EVI5: variants seen among roughly 807,000 people sequenced by gnomAD.
EVI5 encodes ecotropic viral integration site 5 protein homolog.
Under a neutral mutation model 112.0 loss-of-function variants are expected in EVI5, and 73 were observed. The observed-to-expected ratio is 0.65, with a 90% CI of 0.54 to 0.79. EVI5 has a LOEUF of 0.79. Ranked by LOEUF, EVI5 falls within the 30% of genes least tolerant of loss-of-function variation. The probability of loss-of-function intolerance (pLI) is 0.00; values close to 1 mark genes in which losing one functional copy is unlikely to be tolerated. For synonymous variants in EVI5, 305 were observed against 319.9 expected (o/e 0.95, Z 0.50); for missense variants, 900 against 968.8 (o/e 0.93, Z 0.94).
intron 3 of EVI5, chr1:92,703,826 T>C (rs1221682391): frequency 6.1e-6 from 3 of 495,358 alleles, no homozygotes; most frequent in Non-Finnish European, 1.0e-5. Flanking sequence ...AGGGGATTAA[T>C]AATGATCATT....
intron 19 of EVI5, among the ~76,000 whole-genome samples, chr1:92,549,588 C>T (rs1185984883): frequency 1.3e-5 from 2 of 151,962 alleles, no homozygotes; most frequent in Admixed American, 6.6e-5. Flanking sequence ...AAAATTTTCG[C>T]AACCTACTCA....
intron 1 of EVI5, among the ~76,000 whole-genome samples, chr1:92,745,990 G>A (rs1679197034): frequency 6.6e-6 from 1 of 152,142 alleles, no homozygotes; most frequent in Non-Finnish European, 1.5e-5. Flanking sequence ...TAACTTAGTT[G>A]GCAAACTAAC....
At chr1:92,768,916 C>G (rs1386417259) in intron 1 of EVI5, among the ~76,000 whole-genome samples, 11 of 152,080 alleles carry the variant, frequency 7.2e-5, no homozygotes, top group Admixed American at 4.6e-4. Context: ...AATCTTACAT[C>G]CCCCTAAGTA....
chr1:92,784,035 G>T (rs967333190), intron 1 of EVI5, among the ~76,000 whole-genome samples: 9 of 152,158 alleles, frequency 5.9e-5, no homozygotes, highest in African/African-American at 2.2e-4. Context: ...CCAAAGAAAA[G>T]ATACCACTTC....
At chr1:92,555,848 CAAAA>C (rs148221183) in intron 19 of EVI5, among the ~76,000 whole-genome samples, 6 of 94,122 alleles carry the variant, frequency 6.4e-5, no homozygotes, top group East Asian at 3.3e-4. Flanking sequence ...AAACTCGTCT[CAAAA>C]AAAAAAAAAA....
chr1:92,788,014 G>T (rs6693371), upstream of EVI5, among the ~76,000 whole-genome samples: 138,507 of 152,098 alleles, frequency 0.91, 63,145 homozygotes, highest in South Asian at 0.97. Flanking sequence ...CATAACAGTG[G>T]TTCCCTGTGG....
At chr1:92,775,426 CAA>C (rs35191247) in intron 1 of EVI5, among the ~76,000 whole-genome samples, 25 of 100,096 alleles carry the variant, frequency 2.5e-4, no homozygotes, top group Admixed American at 3.1e-4. Flanking sequence ...GACTGCATTT[CAA>C]AAAAAAAAAA....
chr1:92,521,639 C>G (rs1660951315), intron 19 of EVI5, among the ~76,000 whole-genome samples: 3 of 151,366 alleles, frequency 2.0e-5, no homozygotes, highest in Non-Finnish European at 4.4e-5. Context: ...TGCCAGTGAG[C>G]TGAGATTGCG....
intron 19 of EVI5, among the ~76,000 whole-genome samples, chr1:92,536,839 T>TA (rs886816869): frequency 6.6e-5 from 10 of 152,140 alleles, no homozygotes; most frequent in African/African-American, 2.4e-4. Flanking sequence ...ACTGGTAACT[T>TA]AAAAAATTAC....
chr1:92,683,399 A>C (rs1223719247), intron 9 of EVI5, among the ~76,000 whole-genome samples: 1 of 152,184 alleles, frequency 6.6e-6, no homozygotes, highest in Non-Finnish European at 1.5e-5. Flanking sequence ...CCAAAACCCC[A>C]TCCATAGGTC....
chr1:92,595,877 C>T (rs1400755097), intron 18 of EVI5, among the ~76,000 whole-genome samples: 1 of 152,168 alleles, frequency 6.6e-6, no homozygotes, highest in Non-Finnish European at 1.5e-5. Context: ...AGCAAATTCA[C>T]AGGAAGCTGT....
intron 13 of EVI5, 148 bp from the exon 14 acceptor site, chr1:92,636,484 C>T (rs960062961): frequency 1.6e-6 from 1 of 625,156 alleles, no homozygotes; most frequent in African/African-American, 1.9e-5. Flanking sequence ...CAATGTATCT[C>T]CTCCAATTAA....
At chr1:92,549,031 C>T (rs568810534) in intron 19 of EVI5, among the ~76,000 whole-genome samples, 273 of 152,298 alleles carry the variant, frequency 1.8e-3, no homozygotes, top group Admixed American at 6.1e-3. Context: ...AAAGAGCCTG[C>T]ATTGCCAAGT....
intron 18 of EVI5, among the ~76,000 whole-genome samples, chr1:92,591,163 C>T (rs1165636374): frequency 6.6e-6 from 1 of 152,180 alleles, no homozygotes; most frequent in Non-Finnish European, 1.5e-5. Context: ...AAAAACATGC[C>T]AAATTGTAAA....
chr1:92,756,835 G>T, intron 1 of EVI5: 1 of 504,560 alleles, frequency 2.0e-6, no homozygotes. Flanking sequence ...CATGCGCACT[G>T]GTATTGGGCT....
At chr1:92,562,919 T>C (rs1571561178) in intron 19 of EVI5, among the ~76,000 whole-genome samples, 1 of 152,310 alleles carries the variant, frequency 6.6e-6, no homozygotes, top group South Asian at 2.1e-4. Flanking sequence ...TCACTGTGAA[T>C]AAACATTATT....
Position 92,642,463 on chromosome 1 carries a change from G to A in EVI5, c.1393-6127C>T, listed in dbSNP as rs571901351. Among the ~76,000 whole-genome samples the A allele has an allele frequency of 1.2e-4, 19 of 152,268 alleles. No individual in the cohort carries two copies. In the South Asian group the frequency reaches 3.9e-3, roughly 32 times the overall value. ...GAATTTACCAAATTATAAGTGTAAAGTCATCTATCTATCTTGGATTTTTAG... is the reference window on the plus strand; with the variant it reads ...GAATTTACCAAATTATAAGTGTAAAATCATCTATCTATCTTGGATTTTTAG... On this transcript the variant is annotated intron_variant, in intron 13 of 19. Coordinates refer to ENST00000684568, the MANE Select transcript of EVI5 (RefSeq NM_001350197.2).
intron 19 of EVI5, among the ~76,000 whole-genome samples, chr1:92,551,603 T>A (rs1666949537): frequency 6.6e-6 from 1 of 152,202 alleles, no homozygotes; most frequent in Non-Finnish European, 1.5e-5. Flanking sequence ...TAAATATGCA[T>A]AATACTACAG....
chr1:92,526,694 A>G (rs1661936486), intron 19 of EVI5, among the ~76,000 whole-genome samples: 1 of 152,102 alleles, frequency 6.6e-6, no homozygotes, highest in African/African-American at 2.4e-5. Flanking sequence ...GAGTTCAGGA[A>G]GGAGAAGAGG....
Sources: allele counts gnomAD v4.1 joint callset (sites outside exome capture counted in the v4.1 genomes callset), GRCh38; gene constraint gnomAD v4.1.1; transcripts MANE v1.5; gene names NCBI Gene and HGNC (gene_info 2026-07-23, HGNC 2026-07-21).